Variants in NRXN1 observed in about 807,000 individuals in gnomAD.
The protein encoded by NRXN1 is neurexin 1.
Under a neutral mutation model 150.9 loss-of-function variants are expected in NRXN1, and 39 were observed. That is an observed-to-expected ratio of 0.26 (90% CI 0.20 to 0.34). The LOEUF (loss-of-function observed/expected upper bound fraction) is 0.34, where lower values mean the gene tolerates loss of function less well. NRXN1 is among the 10% of genes least tolerant of loss of function. NRXN1 has a pLI of 1.00. For synonymous variants in NRXN1, 924 were observed against 757.0 expected, an observed-to-expected ratio of 1.22 and a Z score of -3.62; for missense variants, 1,815 against 1,949.9, an observed-to-expected ratio of 0.93 and a Z score of 1.30.
chr2:50,642,548 G>C (rs1041326269), intron 5 of NRXN1, among the ~76,000 whole-genome samples: 1 of 151,862 alleles, frequency 6.6e-6, no homozygotes, highest in African/African-American at 2.4e-5. Flanking sequence ...AGGCCAGCTT[G>C]TAAAAAGTCC....
intron 17 of NRXN1, among the ~76,000 whole-genome samples, chr2:50,386,762 T>C (rs1160362984): frequency 2.0e-5 from 3 of 152,240 alleles, no homozygotes; most frequent in African/African-American, 7.2e-5. Flanking sequence ...ATCTGTGTAG[T>C]GAGAATACTG....
At chr2:50,310,129 T>C (rs1381025718) in intron 17 of NRXN1, among the ~76,000 whole-genome samples, 1 of 152,168 alleles carries the variant, frequency 6.6e-6, no homozygotes, top group East Asian at 1.9e-4. Flanking sequence ...AAAGAGAGAG[T>C]ATCTTGCTCT....
chr2:50,782,467 TCAAA>T (rs10599549), intron 5 of NRXN1, among the ~76,000 whole-genome samples: 14,511 of 151,914 alleles, frequency 0.096, 781 homozygotes, highest in Middle Eastern at 0.14. Flanking sequence ...AGACTCTGTC[TCAAA>T]CAAACAAACA....
At chr2:50,033,558 T>C (rs768358703) in intron 21 of NRXN1, among the ~76,000 whole-genome samples, 3 of 151,984 alleles carry the variant, frequency 2.0e-5, no homozygotes, top group South Asian at 2.1e-4. Flanking sequence ...ATTCTCGACA[T>C]AGGAACAGGC....
intron 5 of NRXN1, among the ~76,000 whole-genome samples, chr2:50,747,856 T>A (rs747783389): frequency 2.6e-5 from 4 of 152,108 alleles, no homozygotes; most frequent in Non-Finnish European, 4.4e-5. Context: ...CACACTGTGG[T>A]TGAGCAACTT....
At chr2:50,212,054 A>G (rs1234658991) in intron 18 of NRXN1, among the ~76,000 whole-genome samples, 1 of 149,010 alleles carries the variant, frequency 6.7e-6, no homozygotes, top group African/African-American at 2.4e-5. Flanking sequence ...AATCCACTAT[A>G]TATTCACTAT....
chr2:50,978,321 T>C (rs897937942), intron 2 of NRXN1, among the ~76,000 whole-genome samples: 2 of 128,442 alleles, frequency 1.6e-5, no homozygotes, highest in East Asian at 2.2e-4. Context: ...ATATATATTA[T>C]AGATAGATTT....
chr2:50,204,361 T>TGTGC (rs763965250), intron 18 of NRXN1, among the ~76,000 whole-genome samples: 1 of 151,550 alleles, frequency 6.6e-6, no homozygotes, highest in Non-Finnish European at 1.5e-5. Context: ...TGTGTGTGTG[T>TGTGC]GTGTGTGTGT....
At chr2:49,937,841 A>ATT (rs5831062) in intron 22 of NRXN1, among the ~76,000 whole-genome samples, 1 of 152,114 alleles carries the variant, frequency 6.6e-6, no homozygotes, top group East Asian at 1.9e-4. Flanking sequence ...GAACAAAATT[A>ATT]TTTTCTAATC....
At chr2:50,304,010 T>A (rs1340241949) in intron 17 of NRXN1, among the ~76,000 whole-genome samples, 3 of 152,276 alleles carry the variant, frequency 2.0e-5, no homozygotes, top group South Asian at 4.1e-4. Context: ...TTATAGATCA[T>A]AATGGTAATG....
chr2:50,356,675 T>C (rs2078842749), intron 17 of NRXN1, among the ~76,000 whole-genome samples: 1 of 152,214 alleles, frequency 6.6e-6, no homozygotes, highest in South Asian at 2.1e-4. Context: ...GCAATGAACT[T>C]ACCTTATTGC....
At chr2:50,334,405 T>C (rs1044862832) in intron 17 of NRXN1, among the ~76,000 whole-genome samples, 2 of 152,176 alleles carry the variant, frequency 1.3e-5, no homozygotes, top group Admixed American at 6.5e-5. Context: ...TTTCTGCTCA[T>C]GCTTAATAAG....
chr2:50,650,964 A>T (rs143775371), intron 5 of NRXN1, among the ~76,000 whole-genome samples: 48 of 152,218 alleles, frequency 3.2e-4, no homozygotes, highest in African/African-American at 1.2e-3. Flanking sequence ...AAAACTACAC[A>T]ATATAAACCT....
At chr2:50,070,145 T>C (rs1349666322) in intron 19 of NRXN1, among the ~76,000 whole-genome samples, 6 of 151,984 alleles carry the variant, frequency 3.9e-5, no homozygotes, top group Non-Finnish European at 7.4e-5. Flanking sequence ...CCACTGCGCC[T>C]GGCCGAGATT....
chr2:50,933,144 T>C (rs1688019972), intron 2 of NRXN1, among the ~76,000 whole-genome samples: 2 of 152,154 alleles, frequency 1.3e-5, no homozygotes, highest in African/African-American at 2.4e-5. Flanking sequence ...ATGGGCATTC[T>C]AACCACTAGA....
chr2:49,995,869 AAAAAAAAAAAAAAAG>A (rs1240006743), intron 21 of NRXN1, among the ~76,000 whole-genome samples: 2 of 134,662 alleles, frequency 1.5e-5, no homozygotes, highest in Admixed American at 7.3e-5. Flanking sequence ...AGTAAAAAAA[AAAAAAAAAAAAAAAG>A]AAAAAAGGAT....
At chr2:50,104,440 C>G (rs1420723006) in intron 18 of NRXN1, among the ~76,000 whole-genome samples, 1 of 151,940 alleles carries the variant, frequency 6.6e-6, no homozygotes, top group Non-Finnish European at 1.5e-5. Context: ...AAACATCATT[C>G]TAAGGCCAAG....
intron 18 of NRXN1, among the ~76,000 whole-genome samples, chr2:50,128,313 G>A (rs75396299): frequency 2.6e-5 from 4 of 152,092 alleles, no homozygotes; most frequent in East Asian, 3.9e-4. Flanking sequence ...TCGTCCCTTC[G>A]AACCAACTTT....
intron 17 of NRXN1, among the ~76,000 whole-genome samples, chr2:50,412,901 C>A (rs190599638): frequency 6.6e-6 from 1 of 152,292 alleles, no homozygotes; most frequent in Admixed American, 6.5e-5. Flanking sequence ...CGAAGCTAGA[C>A]CCCAATCTTT....
Sources: gnomAD v4.1 joint callset for allele counts (sites outside exome capture counted in the v4.1 genomes callset) on GRCh38, gnomAD v4.1.1 for gene constraint, MANE v1.5 for transcripts, NCBI Gene and HGNC (gene_info 2026-07-23, HGNC 2026-07-21) for gene names.